The following CHIC2 variants were observed in gnomAD, a reference collection of about 807,000 sequenced individuals.
CHIC2 encodes the protein cysteine rich hydrophobic domain 2.
Under a neutral mutation model 25.9 loss-of-function variants are expected in CHIC2, and 14 were observed. The ratio of observed to expected loss-of-function variants is 0.54; its 90% CI spans 0.36 to 0.85. CHIC2 has a LOEUF of 0.85. Among genes scored for constraint, CHIC2 ranks in the 40% least tolerant of loss-of-function variants. CHIC2 has a pLI of 0.01. For synonymous variants in CHIC2, 70 were observed against 72.0 expected, an observed-to-expected ratio of 0.97 and a Z score of 0.14; for missense variants, 146 against 202.0, an observed-to-expected ratio of 0.72 and a Z score of 1.68.
intron 3 of CHIC2, among the ~76,000 whole-genome samples, chr4:54,043,887 G>C (rs527783524): frequency 4.1e-4 from 62 of 152,280 alleles, no homozygotes; most frequent in Middle Eastern, 3.4e-3. Context: ...AGACCCATCA[G>C]TGTGCTGTAT....
chr4:54,049,066 A>G lies in CHIC2; in HGVS notation c.219T>C (p.Ser73=), dbSNP rs1716920816. ...EFKASINRVN[S]CLKKNLPVNV... ...TAACAGGAAGGTTCTTCTTAAGACA[A>G]CTGTTAACTCTGTTGATGCTGGCTT... The change falls in exon 3 of 6, where the codon AGT becomes AGC. Residue 73 remains serine, a synonymous_variant. Coordinates refer to ENST00000263921, the MANE Select transcript of CHIC2 (RefSeq NM_012110.4). 3.1e-6 allele frequency: 5 copies of G among 1,612,352 alleles called. No homozygotes were observed. The highest frequency in any genetic ancestry group is 1.1e-5 in the South Asian group (1 of 90,564).
At chr4:54,027,908 T>A (rs916318474) in intron 3 of CHIC2, among the ~76,000 whole-genome samples, 1 of 152,164 alleles carries the variant, frequency 6.6e-6, no homozygotes, top group Non-Finnish European at 1.5e-5. Context: ...TGATTTTCAT[T>A]TGTTTTTATA....
chr4:54,048,517 C>T (rs1053570265), intron 3 of CHIC2, among the ~76,000 whole-genome samples: 9 of 152,142 alleles, frequency 5.9e-5, no homozygotes, highest in Non-Finnish European at 1.2e-4. Flanking sequence ...TTAACCACTT[C>T]CTTTGAGATA....
chr4:54,068,405 G>A (rs1022023670), upstream of CHIC2, among the ~76,000 whole-genome samples: 4 of 152,142 alleles, frequency 2.6e-5, no homozygotes, highest in African/African-American at 9.7e-5. Flanking sequence ...ACAGCAAGAA[G>A]ACAACCATAT....
intron 3 of CHIC2, among the ~76,000 whole-genome samples, chr4:54,018,533 A>G (rs1715808612): frequency 6.6e-6 from 1 of 152,092 alleles, no homozygotes; most frequent in African/African-American, 2.4e-5. Flanking sequence ...GACTCATTTA[A>G]TCACAATCAA....
chr4:54,090,560 A>G, the CHIC2 span, among the ~76,000 whole-genome samples: 2 of 152,120 alleles, frequency 1.3e-5, no homozygotes, highest in African/African-American at 4.8e-5. Context: ...TCCCCACAAC[A>G]TTCCATCAGA....
chr4:54,050,157 G>A (rs1716959461), intron 1 of CHIC2, among the ~76,000 whole-genome samples: 1 of 152,014 alleles, frequency 6.6e-6, no homozygotes, highest in African/African-American at 2.4e-5. Flanking sequence ...AGGCTTTTAT[G>A]GCTTTTACAG....
chr4:54,053,556 CAAAAAAAA>C (rs59889546), intron 1 of CHIC2, among the ~76,000 whole-genome samples: 1 of 73,978 alleles, frequency 1.4e-5, no homozygotes, highest in African/African-American at 5.1e-5. Flanking sequence ...GACTCAGTCT[CAAAAAAAA>C]AAAAAAAAAA....
At chr4:54,075,283 T>G in the CHIC2 span, among the ~76,000 whole-genome samples, 25 of 152,228 alleles carry the variant, frequency 1.6e-4, no homozygotes, top group African/African-American at 5.1e-4. Context: ...AAGATATCAA[T>G]GTGTCCTTTG....
chr4:54,050,395 C>T (rs1204796349), intron 1 of CHIC2, among the ~76,000 whole-genome samples: 3 of 152,088 alleles, frequency 2.0e-5, no homozygotes, highest in Non-Finnish European at 2.9e-5. Context: ...ACTCTGCAAA[C>T]CACTCCAATC....
the CHIC2 span, among the ~76,000 whole-genome samples, chr4:54,070,076 A>G: frequency 5.9e-5 from 9 of 152,362 alleles, no homozygotes; most frequent in African/African-American, 1.4e-4. Flanking sequence ...GGAAAATGAC[A>G]TGTAAGCTGA....
chr4:54,058,559 T>TACACACACAC (rs36034143), intron 1 of CHIC2, among the ~76,000 whole-genome samples: 34 of 138,552 alleles, frequency 2.5e-4, no homozygotes, highest in Middle Eastern at 3.7e-3. Flanking sequence ...TACACACACA[T>TACACACACAC]ACACACACAC....
chr4:54,088,017 C>T, the CHIC2 span, among the ~76,000 whole-genome samples: 1 of 152,148 alleles, frequency 6.6e-6, no homozygotes, highest in Admixed American at 6.5e-5. Context: ...AAGAAATATT[C>T]AGTGGAACAT....
At chr4:54,012,099 A>AT (rs1321322350) in intron 5 of CHIC2, among the ~76,000 whole-genome samples, 1 of 151,620 alleles carries the variant, frequency 6.6e-6, no homozygotes, top group Non-Finnish European at 1.5e-5. Flanking sequence ...AGCAGAACAC[A>AT]TTTTTTCTCC....
At position 54,014,238 on chromosome 4, in the gene CHIC2, T is replaced by C. The variant is rs187801210; in HGVS notation, c.331-119A>G. The C allele has an allele frequency of 1.9e-3, 1,390 of 727,294 alleles. 4 individuals are homozygous for C. The highest frequency in any genetic ancestry group is 3.9e-3 in the Middle Eastern group (15 of 3,812). The allele number at this position is 727,294 out of a possible 1,614,324, so 45.1% of individuals were successfully genotyped here. A position where few individuals can be genotyped will look rare whatever the true frequency, so the allele number is the denominator to read the frequency against. ...GACAGTGACTGAGTATAGTGTGGTG[T>C]GCATCACTATCGATGTTCTAAGCAC... On this transcript the variant is annotated intron_variant, in intron 3 of 5. Coordinates refer to ENST00000263921, the MANE Select transcript of CHIC2 (RefSeq NM_012110.4).
the CHIC2 span, among the ~76,000 whole-genome samples, chr4:54,072,965 A>G: frequency 6.6e-6 from 1 of 152,090 alleles, no homozygotes; most frequent in Non-Finnish European, 1.5e-5. Context: ...CTACTTGGGA[A>G]GCTGAGACAG....
chr4:54,064,153 T>C lies in CHIC2; in HGVS notation c.119+29A>G. 6.3e-7 allele frequency: 1 copy of C among 1,577,080 alleles called. No homozygotes were observed. Among genetic ancestry groups the C allele is most frequent in the Non-Finnish European group, 8.6e-7 (1 of 1,159,116 alleles). On this transcript the variant is annotated intron_variant, in intron 1 of 5. Transcript: ENST00000263921. The surrounding 1 kb of genome is among the most constrained non-coding windows in gnomAD (Gnocchi z 4.2). ...AACGGGGCCCACCCCAGCCCGCACC[T>C]CCCGCCCTCGCCCTCCTCCGGGCCT...
At position 54,031,347 on chromosome 4, in the gene CHIC2, T is replaced by A. The variant is rs79516991; in HGVS notation, c.331-17228A>T. Among the ~76,000 whole-genome samples the A allele has an allele frequency of 1.1e-3, 175 of 152,200 alleles. 1 individual carries two copies. The East Asian group carries it at 0.03, about 26-fold the overall frequency. On this transcript the variant is annotated intron_variant, in intron 3 of 5. Coordinates refer to ENST00000263921, the MANE Select transcript of CHIC2 (RefSeq NM_012110.4). ...AGATGCTTCTATTTATCAGGGAATC[T>A]TCTTCTTATTAGTAAGCACCATATC... is the stretch of plus-strand genomic sequence containing the variant.
intron 3 of CHIC2, among the ~76,000 whole-genome samples, chr4:54,046,154 T>C (rs532732535): frequency 1.3e-5 from 2 of 152,176 alleles, no homozygotes; most frequent in Admixed American, 6.5e-5. Context: ...TAAAAAAGGA[T>C]ACAAACAAAT....
Sources: gnomAD v4.1 joint callset for allele counts (sites outside exome capture counted in the v4.1 genomes callset) on GRCh38, gnomAD v4.1.1 for gene constraint, Gnocchi (gnomAD v3.1) non-coding constraint, MANE v1.5 for transcripts, NCBI Gene and HGNC (gene_info 2026-07-23, HGNC 2026-07-21) for gene names.